The following DLGAP4 variants were observed in gnomAD, a reference collection of about 807,000 sequenced individuals.
DLGAP4 encodes the protein disks large-associated protein 4.
In DLGAP4, 18 loss-of-function variants were observed where a neutral mutation model predicts 86.9. That is an observed-to-expected ratio of 0.21 (90% CI 0.14 to 0.31). The LOEUF (loss-of-function observed/expected upper bound fraction) is 0.31, where lower values mean the gene tolerates loss of function less well. DLGAP4 is among the 10% of genes least tolerant of loss of function. The pLI, the probability that DLGAP4 is intolerant of heterozygous loss-of-function variation, is 1.00. For missense variants in DLGAP4, 1,085 were observed against 1,362.6 expected, an observed-to-expected ratio of 0.80 and a Z score of 3.21; for synonymous variants, 548 against 574.3, an observed-to-expected ratio of 0.95 and a Z score of 0.65.
rs184151510 is a variant in DLGAP4, at chr20:36,450,412, C to T, written c.1648+3475C>T. Among the ~76,000 whole-genome samples, 583 of 152,152 alleles carry T rather than the reference C, an allele frequency of 3.8e-3. 4 individuals are homozygous for T. Among genetic ancestry groups the T allele is most frequent in the Middle Eastern group, 0.017 (5 of 294 alleles). On this transcript the variant is annotated intron_variant, in intron 7 of 12. Coordinates refer to ENST00000339266, the MANE Select transcript of DLGAP4 (RefSeq NM_001365621.2). Reference sequence around the variant, plus strand: ...ACTCAGGAGGCTGAGGCAGGAGAATCGCTTAAGCCCGGGAGGTGGAGGTTG... The same window carrying T: ...ACTCAGGAGGCTGAGGCAGGAGAATTGCTTAAGCCCGGGAGGTGGAGGTTG...
chr20:36,360,127 A>G (rs1555894105), intron 1 of DLGAP4, among the ~76,000 whole-genome samples: 1 of 152,204 alleles, frequency 6.6e-6, no homozygotes, highest in Non-Finnish European at 1.5e-5. Context: ...TACTATGTGT[A>G]TGCATTAGCT....
Position 36,432,269 on chromosome 20 carries a change from C to G in DLGAP4, c.552C>G (p.Ser184Arg). ...MEDGKGRRAK[S>R]KERAKAGEPK... ...ACGGCAAGGGCCGGAGGGCCAAAAG[C>G]AAGGAGCGGGCCAAGGCTGGGGAGC... Residue 184 changes from serine to arginine, a missense_variant, in exon 3 of 13, where the codon AGC becomes AGG. Physicochemically the swap from Ser to Arg is moderately radical, Grantham distance 110 (BLOSUM62 -1). This residue lies in a region of DLGAP4 where 1,082 missense variants were observed against 1,344.1 expected (regional missense o/e 0.81). Transcript: ENST00000339266. The surrounding 1 kb of genome is among the most constrained non-coding windows in gnomAD (Gnocchi z 6.5). The G allele has an allele frequency of 6.2e-7, 1 of 1,613,766 alleles. No individual in the cohort carries two copies. The highest frequency in any genetic ancestry group is 8.5e-7 in the Non-Finnish European group (1 of 1,179,878).
At chr20:36,506,930 G>A (rs994377207) in intron 10 of DLGAP4, among the ~76,000 whole-genome samples, 1 of 152,172 alleles carries the variant, frequency 6.6e-6, no homozygotes, top group Non-Finnish European at 1.5e-5. Flanking sequence ...TTGTTCTTCT[G>A]TGACTGGCGT....
At chr20:36,454,603 C>T (rs1427192123) in intron 7 of DLGAP4, among the ~76,000 whole-genome samples, 1 of 152,204 alleles carries the variant, frequency 6.6e-6, no homozygotes, top group Non-Finnish European at 1.5e-5. Context: ...AGGCTGCCCC[C>T]TTACTCCTCA....
chr20:36,375,982 G>A (rs533781861), intron 2 of DLGAP4, among the ~76,000 whole-genome samples: 2 of 152,040 alleles, frequency 1.3e-5, no homozygotes, highest in East Asian at 3.9e-4. Flanking sequence ...CACCCTAGGC[G>A]ACAGAGCAAC....
chr20:36,327,973 T>G (rs1464558599), intron 1 of DLGAP4, among the ~76,000 whole-genome samples: 1 of 150,154 alleles, frequency 6.7e-6, no homozygotes, highest in Admixed American at 6.6e-5. Flanking sequence ...CCAAGGCAGG[T>G]GGATTGTTTG....
chr20:36,395,208 T>C (rs1365505848), intron 2 of DLGAP4, among the ~76,000 whole-genome samples: 1 of 152,194 alleles, frequency 6.6e-6, no homozygotes, highest in Non-Finnish European at 1.5e-5. Context: ...CCTGACCCTA[T>C]CACACTGCAT....
intron 3 of DLGAP4, among the ~76,000 whole-genome samples, chr20:36,433,050 CCA>C (rs1488116630): frequency 6.6e-6 from 1 of 152,170 alleles, no homozygotes; most frequent in Non-Finnish European, 1.5e-5. Context: ...CCTCTCCCTG[CCA>C]CCCCCATCAG....
chr20:36,385,501 G>C (rs1184411325), intron 2 of DLGAP4, among the ~76,000 whole-genome samples: 3 of 152,194 alleles, frequency 2.0e-5, no homozygotes, highest in Non-Finnish European at 4.4e-5. Flanking sequence ...AAAGGGCCTA[G>C]AACTGATGCC....
intron 2 of DLGAP4, among the ~76,000 whole-genome samples, chr20:36,376,251 G>A (rs983706678): frequency 2.0e-5 from 3 of 152,150 alleles, no homozygotes; most frequent in African/African-American, 4.8e-5. Context: ...GCCAAGGCAG[G>A]TGGATCACCT....
intron 10 of DLGAP4, among the ~76,000 whole-genome samples, chr20:36,511,874 C>CA (rs1161880479): frequency 0.1 from 7,755 of 76,786 alleles, 443 homozygotes; most frequent in African/African-American, 0.21. Context: ...GACCCTGTCT[C>CA]AAAAAAAAAA....
chr20:36,523,174 T>A (rs2037484560), intron 10 of DLGAP4, among the ~76,000 whole-genome samples: 1 of 152,070 alleles, frequency 6.6e-6, no homozygotes, highest in Non-Finnish European at 1.5e-5. Context: ...AGCCTCTGCC[T>A]CCCAGGTAGC....
intron 7 of DLGAP4, chr20:36,462,744 G>C (rs940652594): frequency 6.3e-5 from 74 of 1,170,858 alleles, no homozygotes; most frequent in Non-Finnish European, 8.1e-5. Context: ...AGGAGGGAGG[G>C]GCCAGGCTGT....
intron 7 of DLGAP4, among the ~76,000 whole-genome samples, chr20:36,487,859 C>G (rs1323988354): frequency 6.6e-6 from 1 of 152,258 alleles, no homozygotes; most frequent in East Asian, 1.9e-4. Flanking sequence ...ACCCGGAGCA[C>G]ATTGAGTATC....
chr20:36,401,688 A>C (rs901744935), intron 2 of DLGAP4, among the ~76,000 whole-genome samples: 1 of 152,208 alleles, frequency 6.6e-6, no homozygotes, highest in Non-Finnish European at 1.5e-5. Flanking sequence ...AGAGCTCACA[A>C]TCTGGGAAGA....
At chr20:36,470,002 TAAATG>T (rs920590360) in intron 7 of DLGAP4, among the ~76,000 whole-genome samples, 7 of 152,090 alleles carry the variant, frequency 4.6e-5, no homozygotes, top group Admixed American at 3.9e-4. Context: ...CCTTTAATAT[TAAATG>T]AGATGAAATA....
At chr20:36,411,252 A>G (rs1211003827) in intron 2 of DLGAP4, among the ~76,000 whole-genome samples, 1 of 152,170 alleles carries the variant, frequency 6.6e-6, no homozygotes, top group Non-Finnish European at 1.5e-5. Context: ...AGCCTCCCAA[A>G]GTGCAGGATT....
At chr20:36,408,125 C>G (rs2032379575) in intron 2 of DLGAP4, among the ~76,000 whole-genome samples, 1 of 151,802 alleles carries the variant, frequency 6.6e-6, no homozygotes, top group South Asian at 2.1e-4. Flanking sequence ...ACTTAGGGGC[C>G]AAGCCAGGAG....
intron 1 of DLGAP4, among the ~76,000 whole-genome samples, chr20:36,331,073 C>T (rs1170347308): frequency 2.0e-5 from 3 of 152,332 alleles, no homozygotes; most frequent in East Asian, 3.9e-4. Flanking sequence ...AGAGACAGCT[C>T]ATCCCCCCTG....
Sources: gnomAD v4.1 joint callset for allele counts (sites outside exome capture counted in the v4.1 genomes callset) on GRCh38, gnomAD v4.1.1 for gene constraint, gnomAD v4.1.1 regional missense constraint, Gnocchi (gnomAD v3.1) non-coding constraint, MANE v1.5 for transcripts, NCBI Gene and HGNC (gene_info 2026-07-23, HGNC 2026-07-21) for gene names.